The following EXT1 variants were observed in gnomAD, a reference collection of about 807,000 sequenced individuals.
The protein encoded by EXT1 is exostosin glycosyltransferase 1.
EXT1 carries 20 observed loss-of-function variants against 82.5 expected under a neutral mutation model. The ratio of observed to expected loss-of-function variants is 0.24; its 90% CI spans 0.17 to 0.35. The LOEUF (loss-of-function observed/expected upper bound fraction) is 0.35. Ranked by LOEUF, EXT1 falls within the 10% of genes least tolerant of loss-of-function variation. The pLI, the probability that EXT1 is intolerant of heterozygous loss-of-function variation, is 1.00. For missense variants in EXT1, 757 were observed against 936.5 expected, an observed-to-expected ratio of 0.81 and a Z score of 2.50; for synonymous variants, 348 against 350.8, an observed-to-expected ratio of 0.99 and a Z score of 0.09.
At chr8:118,068,132 T>A (rs1817025003) in intron 1 of EXT1, among the ~76,000 whole-genome samples, 1 of 152,222 alleles carries the variant, frequency 6.6e-6, no homozygotes, top group South Asian at 2.1e-4. Flanking sequence ...GCAGGTTGGT[T>A]CGGCAAAGCT....
intron 1 of EXT1, among the ~76,000 whole-genome samples, chr8:117,988,904 T>C (rs545467039): frequency 6.6e-6 from 1 of 151,960 alleles, no homozygotes; most frequent in African/African-American, 2.4e-5. Flanking sequence ...AGGTGCTCAT[T>C]CTTTTATAAC....
chr8:118,060,742 A>T (rs1413798046), intron 1 of EXT1, among the ~76,000 whole-genome samples: 1 of 152,234 alleles, frequency 6.6e-6, no homozygotes, highest in Admixed American at 6.5e-5. Flanking sequence ...TTAAGCAATT[A>T]GGGCTGTATC....
chr8:117,805,501 C>T (rs1370358280), intron 9 of EXT1, among the ~76,000 whole-genome samples: 3 of 152,062 alleles, frequency 2.0e-5, no homozygotes, highest in African/African-American at 7.2e-5. Context: ...TATTTCTCAT[C>T]CTACTGTTTT....
intron 1 of EXT1, among the ~76,000 whole-genome samples, chr8:117,938,115 T>C (rs781694814): frequency 1.3e-5 from 2 of 152,214 alleles, no homozygotes; most frequent in African/African-American, 2.4e-5. Context: ...GTTTCTAGAC[T>C]GCAGTGCTAT....
At chr8:118,096,620 GAGGAAGGAAGGAAGGA>G (rs1239217428) in intron 1 of EXT1, among the ~76,000 whole-genome samples, 16 of 40,184 alleles carry the variant, frequency 4.0e-4, no homozygotes, top group African/African-American at 6.3e-4. Flanking sequence ...AGGAAGGAAG[GAGGAAGGAAGGAAGGA>G]AGGAAGGAAG....
intron 1 of EXT1, among the ~76,000 whole-genome samples, chr8:118,073,939 A>G (rs1817154502): frequency 6.6e-6 from 1 of 152,134 alleles, no homozygotes; most frequent in African/African-American, 2.4e-5. Context: ...TTCATTAGAG[A>G]AGGGAGGAGG....
intron 2 of EXT1, among the ~76,000 whole-genome samples, chr8:117,836,564 T>A (rs1341690557): frequency 6.6e-6 from 1 of 152,118 alleles, no homozygotes; most frequent in African/African-American, 2.4e-5. Flanking sequence ...TGGATGACTG[T>A]CTCAAGAGGA....
intron 1 of EXT1, among the ~76,000 whole-genome samples, chr8:118,086,156 G>T (rs988491708): frequency 2.6e-5 from 4 of 152,288 alleles, no homozygotes; most frequent in African/African-American, 7.2e-5. Context: ...AGATAAAATA[G>T]AAAGTCTAGG....
At chr8:117,848,207 C>G (rs1467887078) in intron 1 of EXT1, among the ~76,000 whole-genome samples, 1 of 152,152 alleles carries the variant, frequency 6.6e-6, no homozygotes, top group Non-Finnish European at 1.5e-5. Flanking sequence ...ATGGGTGTAT[C>G]CATGGGACAT....
chr8:118,111,414 C>T lies in EXT1; in HGVS notation c.-368G>A, dbSNP rs1586280676. The T allele has an allele frequency of 1.1e-5, 6 of 539,688 alleles. 1 individual carries two copies. The highest frequency in any genetic ancestry group is 7.6e-5 in the African/African-American group (4 of 52,760). The allele number at this position is 539,688 out of a possible 1,614,324, so 33.4% of individuals were successfully genotyped here. A position where few individuals can be genotyped will look rare whatever the true frequency, so the allele number is the denominator to read the frequency against. On this transcript the variant is annotated 5_prime_UTR_variant, in exon 1 of 11. Transcript: ENST00000378204. Reference sequence around the variant, plus strand: ...TCCCGATACCCAATCAATGGCAAGACGAAGTGATTGCCTTGCCTCTCGGAT... The same window carrying T: ...TCCCGATACCCAATCAATGGCAAGATGAAGTGATTGCCTTGCCTCTCGGAT...
intron 1 of EXT1, among the ~76,000 whole-genome samples, chr8:118,028,710 A>C (rs1816246902): frequency 6.6e-6 from 1 of 151,466 alleles, no homozygotes; most frequent in African/African-American, 2.4e-5. Flanking sequence ...CGGAAGGAGC[A>C]CCTGATGTCA....
chr8:117,948,416 C>G (rs1814429763), intron 1 of EXT1, among the ~76,000 whole-genome samples: 1 of 151,812 alleles, frequency 6.6e-6, no homozygotes, highest in Non-Finnish European at 1.5e-5. Flanking sequence ...AAATGTTCAC[C>G]CTGCTCAAGC....
At chr8:117,867,129 C>T (rs573862366) in intron 1 of EXT1, among the ~76,000 whole-genome samples, 6 of 151,938 alleles carry the variant, frequency 3.9e-5, no homozygotes, top group African/African-American at 4.8e-5. Context: ...CATGATGGTG[C>T]GTGCCTGTAG....
intron 1 of EXT1, among the ~76,000 whole-genome samples, chr8:118,092,643 T>C (rs151226207): frequency 6.0e-4 from 91 of 152,282 alleles, no homozygotes; most frequent in African/African-American, 2.1e-3. Context: ...GGCAAGAGAA[T>C]ACCGGGACTA....
At chr8:117,830,485 C>T in intron 3 of EXT1, 136 bp from the exon 4 acceptor site, 1 of 935,834 alleles carries the variant, frequency 1.1e-6, no homozygotes, top group South Asian at 1.7e-5. Flanking sequence ...TAAAAATCAT[C>T]AATTCCTAAG....
chr8:117,885,461 A>G, intron 1 of EXT1, among the ~76,000 whole-genome samples: 1 of 142,766 alleles, frequency 7.0e-6, no homozygotes, highest in Admixed American at 7.3e-5. Flanking sequence ...CCTAAAATAG[A>G]TTTTTTTTTC....
rs990367760 is a variant in EXT1, at chr8:117,957,272, C to G, written c.963-120071G>C. Among the ~76,000 whole-genome samples, 17 of 152,228 alleles carry G rather than the reference C, an allele frequency of 1.1e-4. No homozygotes were observed. In the Middle Eastern group the frequency reaches 9.5e-3, roughly 85 times the overall value. On this transcript the variant is annotated intron_variant, in intron 1 of 10. Coordinates refer to ENST00000378204, the MANE Select transcript of EXT1 (RefSeq NM_000127.3). Reference sequence around the variant, plus strand: ...TGATATTTTTGGAAGACTGCTAAAACAAGATGAAAGCTGAGGATTGGTTAA... The same window carrying G: ...TGATATTTTTGGAAGACTGCTAAAAGAAGATGAAAGCTGAGGATTGGTTAA...
At chr8:117,820,867 T>C (rs1371241264) in intron 5 of EXT1, among the ~76,000 whole-genome samples, 4 of 152,306 alleles carry the variant, frequency 2.6e-5, no homozygotes, top group East Asian at 1.9e-4. Context: ...AGCAGTGATA[T>C]AGCTGAGAAA....
chr8:117,820,315 G>T (rs1811901961), intron 5 of EXT1, among the ~76,000 whole-genome samples: 1 of 152,210 alleles, frequency 6.6e-6, no homozygotes, highest in Non-Finnish European at 1.5e-5. Flanking sequence ...ACCTTGGAAA[G>T]ATTACTTAAC....
Sources: gnomAD v4.1 joint callset for allele counts (sites outside exome capture counted in the v4.1 genomes callset) on GRCh38, gnomAD v4.1.1 for gene constraint, MANE v1.5 for transcripts, NCBI Gene and HGNC (gene_info 2026-07-23, HGNC 2026-07-21) for gene names.